The following SFMBT2 variants were observed in gnomAD, a reference collection of about 807,000 sequenced individuals.
The protein encoded by SFMBT2 is Scm like with four mbt domains 2.
SFMBT2 carries 38 observed loss-of-function variants against 110.1 expected under a neutral mutation model. The ratio of observed to expected loss-of-function variants is 0.35; its 90% CI spans 0.27 to 0.45. The LOEUF (loss-of-function observed/expected upper bound fraction) is 0.45. Among genes scored for constraint, SFMBT2 ranks in the 20% least tolerant of loss-of-function variants. The pLI is 1.00. For missense variants in SFMBT2, 1,011 were observed against 1,094.9 expected (o/e 0.92, Z 1.08); for synonymous variants, 425 against 425.4 (o/e 1.00, Z 0.01).
chr10:7,168,502 ATCG>A (rs1202722911), intron 20 of SFMBT2, among the ~76,000 whole-genome samples: 58 of 152,360 alleles, frequency 3.8e-4, no homozygotes, highest in African/African-American at 1.3e-3. Context: ...CAGGGACTGA[ATCG>A]GTGTATGTTG....
intron 4 of SFMBT2, among the ~76,000 whole-genome samples, chr10:7,328,388 T>G (rs1294109898): frequency 2.0e-5 from 3 of 152,250 alleles, no homozygotes; most frequent in African/African-American, 7.2e-5. Context: ...AGGTATGTGA[T>G]TTGAAAATAT....
chr10:7,399,765 C>T (rs910389626), intron 1 of SFMBT2, among the ~76,000 whole-genome samples: 6 of 152,214 alleles, frequency 3.9e-5, no homozygotes, highest in African/African-American at 1.4e-4. Flanking sequence ...ACACTGTCCT[C>T]AGCTGCAAAA....
At chr10:7,338,792 C>T (rs1343441258) in intron 4 of SFMBT2, among the ~76,000 whole-genome samples, 2 of 152,172 alleles carry the variant, frequency 1.3e-5, no homozygotes, top group South Asian at 4.1e-4. Context: ...ATCCCCATTC[C>T]CCAGCGGACA....
chr10:7,189,361 A>G (rs17142563), intron 15 of SFMBT2: 3,331 of 176,290 alleles, frequency 0.019, 113 homozygotes, highest in African/African-American at 0.075. Flanking sequence ...GTCCAAGAAA[A>G]CAAGCATGTG....
At chr10:7,310,812 A>G (rs965138429) in intron 4 of SFMBT2, among the ~76,000 whole-genome samples, 1 of 152,120 alleles carries the variant, frequency 6.6e-6, no homozygotes, top group African/African-American at 2.4e-5. Flanking sequence ...CTGGGAGGCC[A>G]AGGTGGGCGG....
chr10:7,214,828 T>C (rs1230199504), intron 11 of SFMBT2: 1 of 877,390 alleles, frequency 1.1e-6, no homozygotes, highest in Non-Finnish European at 1.4e-6. Context: ...TAACTGCAGA[T>C]TCCATGCCTG....
intron 8 of SFMBT2, 88 bp from the exon 9 acceptor site, chr10:7,243,793 G>A: frequency 2.9e-6 from 2 of 698,724 alleles, no homozygotes; most frequent in East Asian, 5.3e-5. Flanking sequence ...GCTTCCAAAG[G>A]CAATTAATAT....
chr10:7,174,122 C>T (rs1158624525), intron 17 of SFMBT2, among the ~76,000 whole-genome samples: 1 of 152,236 alleles, frequency 6.6e-6, no homozygotes, highest in South Asian at 2.1e-4. Context: ...CCGGGAGCCC[C>T]GGCCTGTTCT....
At position 7,227,948 on chromosome 10, in the gene SFMBT2, C is replaced by A. The variant is rs756437706; in HGVS notation, c.1121-11G>T. 1.2e-5 allele frequency: 19 copies of A among 1,572,450 alleles called. No individual in the cohort carries two copies. Among genetic ancestry groups the A allele is most frequent in the African/African-American group, 2.8e-5 (2 of 71,962 alleles). On this transcript the variant is annotated splice_polypyrimidine_tract_variant and intron_variant, in intron 9 of 20. Coordinates refer to ENST00000397167, the MANE Select transcript of SFMBT2 (RefSeq NM_001387889.1). Reference sequence around the variant, plus strand: ...CCTGGCCAGAGTAACCTGGGAATGACAAAACACAGATAAAACAGCGCACAT... The same window carrying A: ...CCTGGCCAGAGTAACCTGGGAATGAAAAAACACAGATAAAACAGCGCACAT...
rs924800922 is a variant in SFMBT2 at position 7,170,691 on chromosome 10, C to T, written c.2544+237G>A. Among the ~76,000 whole-genome samples, 1 of 152,122 alleles carries T rather than the reference C, an allele frequency of 6.6e-6. No homozygotes were observed. The highest frequency in any genetic ancestry group is 2.4e-5 in the African/African-American group (1 of 41,440). ...ACTAGAGCCTGGAAGAGTCACCCCT[C>T]CGCCCCCCACCATGGCACTGGTGGG... On this transcript the variant is annotated intron_variant, in intron 20 of 20. Transcript: ENST00000397167. The surrounding 1 kb of genome is among the most constrained non-coding windows in gnomAD (Gnocchi z 4.6).
At chr10:7,296,646 T>C (rs1415221089) in intron 4 of SFMBT2, among the ~76,000 whole-genome samples, 1 of 152,210 alleles carries the variant, frequency 6.6e-6, no homozygotes, top group African/African-American at 2.4e-5. Context: ...TTCAACAGTA[T>C]TTAGGTTGCT....
chr10:7,254,691 G>T (rs974193921), intron 7 of SFMBT2, among the ~76,000 whole-genome samples: 1 of 152,148 alleles, frequency 6.6e-6, no homozygotes, highest in Non-Finnish European at 1.5e-5. Context: ...AGCTGGGCAT[G>T]GTGGTGCACA....
chr10:7,342,161 C>T (rs1224668200), intron 4 of SFMBT2, among the ~76,000 whole-genome samples: 3 of 151,094 alleles, frequency 2.0e-5, no homozygotes, highest in Admixed American at 6.6e-5. Flanking sequence ...CAAATACCAG[C>T]GAATTGGATA....
chr10:7,167,262 A>G (rs2497441), intron 20 of SFMBT2, among the ~76,000 whole-genome samples: 152,353 of 152,356 alleles, frequency 1, 76,175 homozygotes, highest in Non-Finnish European at 1. Context: ...AAAGCTGAAT[A>G]CATAGGTAAA....
At chr10:7,264,842 C>G (rs538167661) in intron 7 of SFMBT2, among the ~76,000 whole-genome samples, 3 of 149,516 alleles carry the variant, frequency 2.0e-5, no homozygotes, top group African/African-American at 7.4e-5. Context: ...TTCCTTATAT[C>G]TTTATTCTCT....
At chr10:7,393,194 CTAA>C (rs1266153391) in intron 1 of SFMBT2, among the ~76,000 whole-genome samples, 4 of 151,650 alleles carry the variant, frequency 2.6e-5, no homozygotes, top group Non-Finnish European at 5.9e-5. Flanking sequence ...CCACACCTGG[CTAA>C]TGTTTGTATT....
At chr10:7,166,000 T>C (rs746520127) in intron 20 of SFMBT2, among the ~76,000 whole-genome samples, 8 of 152,176 alleles carry the variant, frequency 5.3e-5, no homozygotes, top group Non-Finnish European at 4.4e-5. Flanking sequence ...CAAGAGGGCA[T>C]GGGTGTAGGG....
At chr10:7,245,725 G>A (rs959415441) in intron 8 of SFMBT2, among the ~76,000 whole-genome samples, 2 of 152,296 alleles carry the variant, frequency 1.3e-5, no homozygotes, top group South Asian at 4.1e-4. Context: ...ATCACCATCT[G>A]CCAGTATCTC....
In SFMBT2 at chr10:7,307,768, A is replaced by G. The variant is rs2131894692; in HGVS notation, c.437-21814T>C. ...TACATTTTTGCTATCCATGTGGAAG[A>G]GGAAAAGATTTCTTACTGGAGACAC... On this transcript the variant is annotated intron_variant, in intron 4 of 20. Transcript: ENST00000397167. Among the ~76,000 whole-genome samples, 3 of 152,360 alleles carry G rather than the reference A, an allele frequency of 2.0e-5. No individual in the cohort carries two copies. The East Asian group carries it at 5.8e-4, about 29-fold the overall frequency.
Sources: allele counts gnomAD v4.1 joint callset (sites outside exome capture counted in the v4.1 genomes callset), GRCh38; gene constraint gnomAD v4.1.1; non-coding constraint Gnocchi (gnomAD v3.1); transcripts MANE v1.5; gene names NCBI Gene and HGNC (gene_info 2026-07-23, HGNC 2026-07-21).